RPS6KC1: variants seen among roughly 807,000 people sequenced by gnomAD.
RPS6KC1 encodes ribosomal protein S6 kinase C1.
Under a neutral mutation model 103.8 loss-of-function variants are expected in RPS6KC1, and 54 were observed. That is an observed-to-expected ratio of 0.52 (90% CI 0.42 to 0.65). The LOEUF (loss-of-function observed/expected upper bound fraction) is 0.65, where lower values mean the gene tolerates loss of function less well. Among genes scored for constraint, RPS6KC1 ranks in the 30% least tolerant of loss-of-function variants. The pLI is 0.00. For synonymous variants in RPS6KC1, 439 were observed against 438.7 expected, an observed-to-expected ratio of 1.00 and a Z score of -0.01; for missense variants, 1,151 against 1,253.8, an observed-to-expected ratio of 0.92 and a Z score of 1.24.
the RPS6KC1 span, among the ~76,000 whole-genome samples, chr1:213,591,552 G>A: frequency 1.7e-3 from 261 of 152,202 alleles, 1 homozygote; most frequent in African/African-American, 6.1e-3. Context: ...TGCCAGGGGC[G>A]GTCTGTGCTT....
At chr1:213,325,620 G>C in the RPS6KC1 span, among the ~76,000 whole-genome samples, 1,038 of 152,342 alleles carry the variant, frequency 6.8e-3, 14 homozygotes, top group African/African-American at 0.021. Context: ...GTCTGGCACG[G>C]ATAGATGGTA....
the RPS6KC1 span, among the ~76,000 whole-genome samples, chr1:213,676,900 T>C: frequency 0.18 from 27,168 of 152,172 alleles, 2,591 homozygotes; most frequent in African/African-American, 0.21. Context: ...GAGGCTCCAG[T>C]TGTCACTTTC....
At chr1:213,565,015 AG>A in the RPS6KC1 span, among the ~76,000 whole-genome samples, 1 of 152,250 alleles carries the variant, frequency 6.6e-6, no homozygotes, top group Non-Finnish European at 1.5e-5. Flanking sequence ...CTGGCCAATA[AG>A]TCCATTAAAA....
chr1:213,509,369 C>G, the RPS6KC1 span, among the ~76,000 whole-genome samples: 7 of 151,596 alleles, frequency 4.6e-5, no homozygotes, highest in Non-Finnish European at 1.0e-4. Flanking sequence ...GAATTAGAAT[C>G]CAGAAAGGCA....
chr1:213,672,054 C>G, the RPS6KC1 span, among the ~76,000 whole-genome samples: 1 of 152,172 alleles, frequency 6.6e-6, no homozygotes, highest in Non-Finnish European at 1.5e-5. Flanking sequence ...ATTCTTACTT[C>G]TACTATCCAA....
At chr1:213,406,021 G>A in the RPS6KC1 span, among the ~76,000 whole-genome samples, 4 of 152,216 alleles carry the variant, frequency 2.6e-5, no homozygotes, top group Admixed American at 2.6e-4. Flanking sequence ...GAGACCACAG[G>A]GTGAGTCCCG....
chr1:213,345,394 C>T, the RPS6KC1 span, among the ~76,000 whole-genome samples: 3 of 152,150 alleles, frequency 2.0e-5, no homozygotes, highest in African/African-American at 7.2e-5. Flanking sequence ...CTGTCTTTAT[C>T]GTTTGCTTTT....
At chr1:213,830,189 T>C in the RPS6KC1 span, among the ~76,000 whole-genome samples, 52 of 152,336 alleles carry the variant, frequency 3.4e-4, no homozygotes, top group African/African-American at 1.2e-3. Context: ...GTCTCTGTTA[T>C]TATTTTTGAA....
At chr1:213,326,018 T>A in the RPS6KC1 span, among the ~76,000 whole-genome samples, 1 of 152,160 alleles carries the variant, frequency 6.6e-6, no homozygotes, top group African/African-American at 2.4e-5. Flanking sequence ...TTCTTCAGTG[T>A]TACTAGGGAT....
At chr1:213,151,142 C>A (rs1205519794) in intron 6 of RPS6KC1, among the ~76,000 whole-genome samples, 2 of 146,190 alleles carry the variant, frequency 1.4e-5, no homozygotes, top group East Asian at 2.1e-4. Flanking sequence ...ACCTCCCTCC[C>A]GGATGGGGCG....
chr1:213,429,674 C>A, the RPS6KC1 span, among the ~76,000 whole-genome samples: 1 of 152,194 alleles, frequency 6.6e-6, no homozygotes, highest in Non-Finnish European at 1.5e-5. Flanking sequence ...GAATTCTAGT[C>A]TGAACACCTC....
At chr1:213,508,622 C>A in the RPS6KC1 span, among the ~76,000 whole-genome samples, 2 of 151,952 alleles carry the variant, frequency 1.3e-5, no homozygotes, top group African/African-American at 4.8e-5. Context: ...GGCTATGCTC[C>A]CAATAAGTTT....
chr1:213,822,952 G>T, the RPS6KC1 span, among the ~76,000 whole-genome samples: 5 of 152,012 alleles, frequency 3.3e-5, no homozygotes, highest in African/African-American at 1.2e-4. Context: ...ACATCATATT[G>T]TGTCATTCTG....
At chr1:213,847,394 G>A in the RPS6KC1 span, among the ~76,000 whole-genome samples, 6 of 152,190 alleles carry the variant, frequency 3.9e-5, no homozygotes, top group Admixed American at 6.5e-5. Flanking sequence ...GCCTCCATCT[G>A]TTGGAGAGGG....
the RPS6KC1 span, among the ~76,000 whole-genome samples, chr1:213,483,103 A>G: frequency 1.8e-3 from 271 of 152,320 alleles, 1 homozygote; most frequent in African/African-American, 6.1e-3. Context: ...TGTTAAAGTT[A>G]CAATCATGGT....
At chr1:213,283,440 C>T in the RPS6KC1 span, among the ~76,000 whole-genome samples, 1 of 152,136 alleles carries the variant, frequency 6.6e-6, no homozygotes, top group Non-Finnish European at 1.5e-5. Context: ...GGACGAAATA[C>T]CTGCAAGACT....
the RPS6KC1 span, among the ~76,000 whole-genome samples, chr1:213,480,573 T>G: frequency 6.6e-6 from 1 of 152,096 alleles, no homozygotes; most frequent in Non-Finnish European, 1.5e-5. Flanking sequence ...AGACTTAATA[T>G]CAGGATACAA....
the RPS6KC1 span, among the ~76,000 whole-genome samples, chr1:213,504,078 A>C: frequency 6.6e-6 from 1 of 152,188 alleles, no homozygotes; most frequent in East Asian, 1.9e-4. Flanking sequence ...AACTATATGT[A>C]TATATAGAAC....
chr1:213,463,196 A>T, the RPS6KC1 span, among the ~76,000 whole-genome samples: 9 of 152,304 alleles, frequency 5.9e-5, no homozygotes, highest in South Asian at 1.9e-3. Context: ...TTCCTGCTAG[A>T]GAGAGTCAAT....
Sources: gnomAD v4.1 joint callset for allele counts (sites outside exome capture counted in the v4.1 genomes callset) on GRCh38, gnomAD v4.1.1 for gene constraint, MANE v1.5 for transcripts, NCBI Gene and HGNC (gene_info 2026-07-23, HGNC 2026-07-21) for gene names.